The following PCCA variants were observed in gnomAD, a reference collection of about 807,000 sequenced individuals.
PCCA encodes the protein propionyl-CoA carboxylase alpha chain, mitochondrial.
In PCCA, 74 loss-of-function variants were observed where a neutral mutation model predicts 101.3. The observed-to-expected ratio is 0.73, with a 90% CI of 0.61 to 0.89. PCCA has a LOEUF of 0.89. PCCA is among the 40% of genes least tolerant of loss of function. The pLI is 0.00. For missense variants in PCCA, 891 were observed against 907.0 expected (o/e 0.98, Z 0.23); for synonymous variants, 294 against 313.6 (o/e 0.94, Z 0.66).
At chr13:100,207,870 T>C (rs1173438422) in intron 6 of PCCA, among the ~76,000 whole-genome samples, 1 of 151,628 alleles carries the variant, frequency 6.6e-6, no homozygotes, top group East Asian at 2.0e-4. Flanking sequence ...ATACAAAAAT[T>C]AGCTGGGCGT....
intron 8 of PCCA, among the ~76,000 whole-genome samples, chr13:100,255,597 G>T (rs910915884): frequency 1.3e-5 from 2 of 152,122 alleles, no homozygotes; most frequent in African/African-American, 2.4e-5. Flanking sequence ...TGGGGGTAAG[G>T]ATCTATTAAG....
chr13:100,111,178 C>CT (rs965293674), intron 2 of PCCA, among the ~76,000 whole-genome samples: 2,541 of 98,470 alleles, frequency 0.026, 173 homozygotes, highest in African/African-American at 0.033. Flanking sequence ...GACCCAGCTC[C>CT]TTTTTTTTTT....
intron 6 of PCCA, among the ~76,000 whole-genome samples, chr13:100,192,896 A>G (rs866187784): frequency 7.9e-5 from 12 of 152,028 alleles, no homozygotes; most frequent in African/African-American, 2.9e-4. Flanking sequence ...TGCACTGACT[A>G]TTCTTACCGT....
intron 20 of PCCA, among the ~76,000 whole-genome samples, chr13:100,448,375 T>G (rs2080990899): frequency 6.6e-6 from 1 of 152,086 alleles, no homozygotes; most frequent in African/African-American, 2.4e-5. Context: ...GTATTTTTAG[T>G]AAAGACGGGG....
chr13:100,508,253 G>GA (rs1317658158), intron 21 of PCCA, among the ~76,000 whole-genome samples: 2 of 152,114 alleles, frequency 1.3e-5, no homozygotes, highest in Non-Finnish European at 2.9e-5. Context: ...CAGGATGTTT[G>GA]AAAAATGAGT....
At chr13:100,452,979 G>A (rs1348315690) in intron 21 of PCCA, among the ~76,000 whole-genome samples, 2 of 152,146 alleles carry the variant, frequency 1.3e-5, no homozygotes, top group East Asian at 1.9e-4. Flanking sequence ...TGAGGTAGGA[G>A]GATCACTTGA....
At chr13:100,459,226 C>A (rs1164056608) in intron 21 of PCCA, among the ~76,000 whole-genome samples, 1 of 152,154 alleles carries the variant, frequency 6.6e-6, no homozygotes, top group Non-Finnish European at 1.5e-5. Context: ...TCATTTAACT[C>A]ATTATGTCTG....
At chr13:100,396,579 T>C (rs1595738228) in intron 19 of PCCA, among the ~76,000 whole-genome samples, 1 of 152,356 alleles carries the variant, frequency 6.6e-6, no homozygotes, top group East Asian at 1.9e-4. Context: ...CCTGTGGTCC[T>C]GGCACATAAG....
At chr13:100,222,008 A>C (rs1014936781) in intron 7 of PCCA, among the ~76,000 whole-genome samples, 4 of 151,932 alleles carry the variant, frequency 2.6e-5, no homozygotes, top group Non-Finnish European at 5.9e-5. Flanking sequence ...AAGTGCTAGG[A>C]TTATAGGTGT....
rs200464283 is a variant in PCCA, at chr13:100,348,816, CT to C, written c.1643+8560del. Among the ~76,000 whole-genome samples the C allele has an allele frequency of 2.1e-3, 114 of 54,948 alleles. 4 individuals carry two copies. The South Asian group carries it at 0.036, about 17-fold the overall frequency. 36.0% of individuals were successfully genotyped at this position (54,948 alleles called of 152,430 possible). On this transcript the variant is annotated intron_variant, in intron 18 of 23. Coordinates refer to ENST00000376285, the MANE Select transcript of PCCA (RefSeq NM_000282.4). ...CCTTCCTTCCTTCCTTCCTTCCTTC[CT>C]TTCTTTCTTTTCTCTCTCTTTTTCT...
At chr13:100,155,402 C>T (rs1437223032) in intron 5 of PCCA, among the ~76,000 whole-genome samples, 2 of 152,266 alleles carry the variant, frequency 1.3e-5, no homozygotes, top group Admixed American at 6.5e-5. Flanking sequence ...TAACCCTTTC[C>T]GTGTAATAAG....
Position 100,302,931 on chromosome 13 carries a change from A to T in PCCA, c.1217A>T (p.Tyr406Phe). Reference protein sequence around the residue: ...VECRVYAEDPYKSFGLPSIGR... With the variant: ...VECRVYAEDPFKSFGLPSIGR... Reference sequence around the variant, plus strand: ...TTTCCTTTGAACTTTCAGGACCCCTACAAGTCTTTTGGTTTACCATCTATT... The same window carrying T: ...TTTCCTTTGAACTTTCAGGACCCCTTCAAGTCTTTTGGTTTACCATCTATT... The change falls in exon 14 of 24, where the codon TAC (tyrosine) becomes TTC (phenylalanine). Residue 406 changes from tyrosine to phenylalanine, a missense_variant. By Grantham distance (22) the Tyr-to-Phe change is conservative. Transcript: ENST00000376285. 6.3e-7 allele frequency: 1 copy of T among 1,592,544 alleles called. No homozygotes were observed. The highest frequency in any genetic ancestry group is 8.6e-7 in the Non-Finnish European group (1 of 1,160,394).
At chr13:100,195,654 A>G (rs1228225714) in intron 6 of PCCA, among the ~76,000 whole-genome samples, 1 of 152,160 alleles carries the variant, frequency 6.6e-6, no homozygotes, top group Non-Finnish European at 1.5e-5. Context: ...GATAAAGGAA[A>G]TCTGTGGAGC....
intron 19 of PCCA, among the ~76,000 whole-genome samples, chr13:100,384,285 C>CA (rs1313167692): frequency 6.6e-6 from 1 of 152,212 alleles, no homozygotes; most frequent in African/African-American, 2.4e-5. Context: ...TTCAGCCTCC[C>CA]AAAGTTTTGG....
chr13:100,189,576 T>C (rs2057591850), intron 6 of PCCA, among the ~76,000 whole-genome samples: 1 of 152,248 alleles, frequency 6.6e-6, no homozygotes, highest in South Asian at 2.1e-4. Flanking sequence ...TATTTTGCTG[T>C]ACAGAAGCTT....
At chr13:100,420,920 C>T (rs1052358902) in intron 19 of PCCA, among the ~76,000 whole-genome samples, 2 of 151,958 alleles carry the variant, frequency 1.3e-5, no homozygotes, top group African/African-American at 4.8e-5. Context: ...GAAAAAAAAA[C>T]TTTAGAGTGG....
intron 19 of PCCA, among the ~76,000 whole-genome samples, chr13:100,415,071 C>G (rs1233010826): frequency 6.6e-6 from 1 of 151,778 alleles, no homozygotes; most frequent in East Asian, 1.9e-4. Flanking sequence ...AGGAGGAGAG[C>G]GTTGAGTTGG....
chr13:100,253,751 G>A (rs979668869), intron 8 of PCCA, among the ~76,000 whole-genome samples: 3 of 152,094 alleles, frequency 2.0e-5, no homozygotes, highest in Non-Finnish European at 2.9e-5. Flanking sequence ...GTGTCAGTAG[G>A]GGAGTCACTT....
rs1555371936 is a variant in PCCA, at chr13:100,188,294, A to AAAAACCAAAAC, written c.469-21033_469-21032insCAAAACAAAAC. On this transcript the variant is annotated intron_variant, in intron 6 of 23. Transcript: ENST00000376285. ...GCGACAGAGCAAGACTCTGTCTCAA[A>AAAAACCAAAAC]AAAACAAAACAAAACAAAACAAAAC... Among the ~76,000 whole-genome samples, 14 of 147,018 alleles carry AAAAACCAAAAC rather than the reference A, an allele frequency of 9.5e-5. No homozygotes were observed. In the East Asian group the frequency reaches 2.6e-3, roughly 28 times the overall value.
Sources: allele counts gnomAD v4.1 joint callset (sites outside exome capture counted in the v4.1 genomes callset), GRCh38; gene constraint gnomAD v4.1.1; transcripts MANE v1.5; gene names NCBI Gene and HGNC (gene_info 2026-07-23, HGNC 2026-07-21).